NELL1: variants seen among roughly 807,000 people sequenced by gnomAD.
The protein encoded by NELL1 is protein kinase C-binding protein NELL1.
Under a neutral mutation model 107.4 loss-of-function variants are expected in NELL1, and 76 were observed. That is an observed-to-expected ratio of 0.71 (90% CI 0.59 to 0.86). The LOEUF (loss-of-function observed/expected upper bound fraction) is 0.86. Ranked by LOEUF, NELL1 falls within the 40% of genes least tolerant of loss-of-function variation. NELL1 has a pLI of 0.00. For synonymous variants in NELL1, 353 were observed against 341.2 expected (o/e 1.03, Z -0.38); for missense variants, 1,024 against 1,005.5 (o/e 1.02, Z -0.25).
chr11:20,783,701 C>A lies in NELL1; in HGVS notation c.206C>A (p.Ala69Glu). Reference sequence around the variant, plus strand: ...CTAGACATAGAAAGAGAGATCCATGCAGCTCCTCATGTGAGTGAGAAATTA... The same window carrying A: ...CTAGACATAGAAAGAGAGATCCATGAAGCTCCTCATGTGAGTGAGAAATTA... ...LFQDIEREIH[A>E]APHVSEKLIQ... The change falls in exon 3 of 20, where the codon GCA becomes GAA. Residue 69 changes from alanine to glutamate, a missense_variant. By Grantham distance (107) the Ala-to-Glu change is moderately radical. Coordinates refer to ENST00000357134, the MANE Select transcript of NELL1 (RefSeq NM_006157.5). 1 of 1,613,424 alleles carries A rather than the reference C, an allele frequency of 6.2e-7. No individual in the cohort carries two copies. Among genetic ancestry groups the A allele is most frequent in the East Asian group, 2.2e-5 (1 of 44,852 alleles).
At position 20,972,484 on chromosome 11, in the gene NELL1, G is replaced by A. The variant is rs115497774; in HGVS notation, c.1300+11924G>A. Among the ~76,000 whole-genome samples the A allele has an allele frequency of 5.9e-3, 899 of 152,202 alleles. 12 individuals are homozygous for A. Among genetic ancestry groups the A allele is most frequent in the African/African-American group, 0.019 (803 of 41,532 alleles). ...TGCTGGATGTCTGATGGAGAAGTGT[G>A]GGGTGGTATAGGAAATTCACACTGA... On this transcript the variant is annotated intron_variant, in intron 12 of 19. Coordinates refer to ENST00000357134, the MANE Select transcript of NELL1 (RefSeq NM_006157.5).
At chr11:20,753,325 A>G (rs1452858935) in intron 2 of NELL1, among the ~76,000 whole-genome samples, 2 of 152,230 alleles carry the variant, frequency 1.3e-5, no homozygotes, top group Non-Finnish European at 2.9e-5. Context: ...TGATCTTAAT[A>G]TCTCTTCTTG....
chr11:21,520,738 C>A (rs952239313), intron 15 of NELL1, among the ~76,000 whole-genome samples: 3 of 152,124 alleles, frequency 2.0e-5, no homozygotes, highest in Non-Finnish European at 4.4e-5. Flanking sequence ...TTCAAGTGCT[C>A]AGCCCCGGCC....
intron 3 of NELL1, among the ~76,000 whole-genome samples, chr11:20,787,327 G>C (rs538070880): frequency 1.1e-4 from 16 of 152,144 alleles, no homozygotes; most frequent in African/African-American, 3.1e-4. Flanking sequence ...AGAAAATAGA[G>C]AAGAATATAT....
At chr11:20,814,712 C>G (rs1450850655) in intron 3 of NELL1, among the ~76,000 whole-genome samples, 2 of 152,132 alleles carry the variant, frequency 1.3e-5, no homozygotes, top group African/African-American at 4.8e-5. Context: ...TGGTGGGCAC[C>G]TAGATTGATT....
Position 21,575,317 on chromosome 11 carries a change from C to A in NELL1, c.*295C>A. 1 of 294,802 alleles carries A rather than the reference C, an allele frequency of 3.4e-6. No individual in the cohort carries two copies. 18.3% of individuals were successfully genotyped at this position (294,802 alleles called of 1,614,324 possible). ...TCCCTTATCAGATCATTTGCAAATA[C>A]ATTTAAATGATCTCATGGTAAATGT... On this transcript the variant is annotated 3_prime_UTR_variant, in exon 20 of 20. Coordinates refer to ENST00000357134, the MANE Select transcript of NELL1 (RefSeq NM_006157.5).
At chr11:21,100,893 G>C (rs1854789505) in intron 12 of NELL1, among the ~76,000 whole-genome samples, 1 of 151,830 alleles carries the variant, frequency 6.6e-6, no homozygotes, top group African/African-American at 2.4e-5. Flanking sequence ...CAACGTGCAG[G>C]CTAGTTACAT....
chr11:20,981,945 G>GCTCTCTCTCTTTCTCTCTCTCTCTCT (rs933842547), intron 12 of NELL1, among the ~76,000 whole-genome samples: 2 of 136,476 alleles, frequency 1.5e-5, no homozygotes, highest in African/African-American at 5.8e-5. Context: ...TGTCACCAGG[G>GCTCTCTCTCTTTCTCTCTCTCTCTCT]CTCTCTCTCT....
chr11:21,405,441 G>A (rs1346213138), intron 15 of NELL1, among the ~76,000 whole-genome samples: 1 of 151,938 alleles, frequency 6.6e-6, no homozygotes, highest in African/African-American at 2.4e-5. Flanking sequence ...ACTGTGTTCT[G>A]TGCTAACAGA....
At chr11:21,301,679 C>A (rs1849494376) in intron 14 of NELL1, among the ~76,000 whole-genome samples, 2 of 152,144 alleles carry the variant, frequency 1.3e-5, no homozygotes, top group South Asian at 4.1e-4. Context: ...TAAAAATTTT[C>A]TCCCATTCTG....
chr11:21,231,001 C>T (rs2133885660), intron 14 of NELL1, among the ~76,000 whole-genome samples: 1 of 152,146 alleles, frequency 6.6e-6, no homozygotes, highest in Admixed American at 6.5e-5. Context: ...CCAAAATATC[C>T]ATCAGTCTTG....
In NELL1 at chr11:21,560,870, A is replaced by G. The variant is rs548016929; in HGVS notation, c.1980+488A>G. Among the ~76,000 whole-genome samples the G allele has an allele frequency of 4.0e-5, 6 of 148,808 alleles. No individual in the cohort carries two copies. The South Asian group carries it at 1.3e-3, about 32-fold the overall frequency. On this transcript the variant is annotated intron_variant, in intron 17 of 19. Coordinates refer to ENST00000357134, the MANE Select transcript of NELL1 (RefSeq NM_006157.5). Reference sequence around the variant, plus strand: ...TTTTCATTTTGAACAAATGATAATGATAGTATGAGGCCTCTTAGAAATTGA... The same window carrying G: ...TTTTCATTTTGAACAAATGATAATGGTAGTATGAGGCCTCTTAGAAATTGA...
intron 4 of NELL1, among the ~76,000 whole-genome samples, chr11:20,867,684 G>A (rs1296602018): frequency 6.6e-6 from 1 of 152,176 alleles, no homozygotes; most frequent in African/African-American, 2.4e-5. Context: ...CATACGGTGT[G>A]CATATGGAGG....
intron 12 of NELL1, among the ~76,000 whole-genome samples, chr11:21,105,257 C>G (rs1235458447): frequency 1.3e-5 from 2 of 152,124 alleles, no homozygotes; most frequent in South Asian, 2.1e-4. Context: ...AGAAATAGCT[C>G]TCTCTCCTGC....
rs141636118 is a variant in NELL1 at position 21,518,157 on chromosome 11, C to T, written c.1646-16217C>T. 1.5e-3 allele frequency among the ~76,000 whole-genome samples: 229 copies of T among 149,994 alleles called. 1 individual carries two copies. Among genetic ancestry groups the T allele is most frequent in the Non-Finnish European group, 2.1e-3 (144 of 67,678 alleles). On this transcript the variant is annotated intron_variant, in intron 15 of 19. Coordinates refer to ENST00000357134, the MANE Select transcript of NELL1 (RefSeq NM_006157.5). ...CACTGAAGAAAAAAAAAAAAAGGTGCTGATTTTCCCCCTTTCAGAAGCACA... is the reference window on the plus strand; with the variant it reads ...CACTGAAGAAAAAAAAAAAAAGGTGTTGATTTTCCCCCTTTCAGAAGCACA...
At chr11:20,888,489 T>A (rs189759846) in intron 5 of NELL1, among the ~76,000 whole-genome samples, 69 of 151,586 alleles carry the variant, frequency 4.6e-4, no homozygotes, top group African/African-American at 1.6e-3. Flanking sequence ...TATGTCTATA[T>A]ATGCATATAT....
At chr11:21,125,205 A>G (rs1304692838) in intron 13 of NELL1, among the ~76,000 whole-genome samples, 1 of 152,194 alleles carries the variant, frequency 6.6e-6, no homozygotes, top group African/African-American at 2.4e-5. Context: ...ATCAGGGCCA[A>G]GACAAAGAGA....
rs78614510 is a variant in NELL1 at position 21,417,514 on chromosome 11, G to T, written c.1645+46566G>T. On this transcript the variant is annotated intron_variant, in intron 15 of 19. Coordinates refer to ENST00000357134, the MANE Select transcript of NELL1 (RefSeq NM_006157.5). ...GATAGCTTGTTTGTCTCTCAAACAT[G>T]ACCCTGTGGGTTTTTTTCCTTTTTA... is the stretch of plus-strand genomic sequence containing the variant. Among the ~76,000 whole-genome samples, 2,441 of 151,878 alleles carry T rather than the reference G, an allele frequency of 0.016. 233 individuals are homozygous for T. In the East Asian group the frequency reaches 0.27, roughly 17 times the overall value.
intron 2 of NELL1, among the ~76,000 whole-genome samples, chr11:20,768,668 G>A (rs1222861584): frequency 6.6e-6 from 1 of 152,192 alleles, no homozygotes; most frequent in Non-Finnish European, 1.5e-5. Flanking sequence ...AAAGACATGA[G>A]GATCGGATAG....
Sources: allele counts gnomAD v4.1 joint callset (sites outside exome capture counted in the v4.1 genomes callset), GRCh38; gene constraint gnomAD v4.1.1; transcripts MANE v1.5; gene names NCBI Gene and HGNC (gene_info 2026-07-23, HGNC 2026-07-21).